The following IPO5 variants were observed in gnomAD, a reference collection of about 807,000 sequenced individuals.
IPO5 encodes importin-5.
In IPO5, 18 loss-of-function variants were observed where a neutral mutation model predicts 143.3. The ratio of observed to expected loss-of-function variants is 0.13; its 90% CI spans 0.09 to 0.19. IPO5 has a LOEUF of 0.19. Among genes scored for constraint, IPO5 ranks in the 10% least tolerant of loss-of-function variants. The pLI is 1.00. For synonymous variants in IPO5, 477 were observed against 465.7 expected (o/e 1.02, Z -0.31); for missense variants, 1,013 against 1,336.9 (o/e 0.76, Z 3.78).
chr13:97,974,700 CA>C, intron 3 of IPO5, among the ~76,000 whole-genome samples: 1 of 142,204 alleles, frequency 7.0e-6, no homozygotes, highest in South Asian at 2.3e-4. Context: ...AAAAAAAAAT[CA>C]AAATCAAACA....
At chr13:98,018,338 G>T (rs1355809260) in intron 25 of IPO5, 147 bp from the exon 26 acceptor site, 4 of 618,622 alleles carry the variant, frequency 6.5e-6, no homozygotes, top group South Asian at 6.4e-5. Context: ...AATATCGTTG[G>T]TCACAAGAAG....
At chr13:97,995,834 A>G (rs906962214) in intron 11 of IPO5, among the ~76,000 whole-genome samples, 4 of 152,298 alleles carry the variant, frequency 2.6e-5, no homozygotes, top group African/African-American at 9.6e-5. Flanking sequence ...ACTAGTTAAA[A>G]AAGTTAAGGG....
chr13:97,975,587 A>C (rs971562047), intron 3 of IPO5: 1 of 152,240 alleles, frequency 6.6e-6, no homozygotes, highest in South Asian at 2.1e-4. Context: ...CCAGGAGTTA[A>C]AGAACATCGC....
intron 7 of IPO5, 46 bp downstream of exon 7, chr13:97,989,210 G>A (rs750038474): frequency 2.0e-6 from 2 of 1,017,492 alleles, no homozygotes; most frequent in Non-Finnish European, 1.5e-6. Flanking sequence ...TTTAATGAAT[G>A]CCCTAAACAC....
At chr13:97,954,053 G>T (rs1884294442) in intron 1 of IPO5, 66 bp from the exon 2 acceptor site, 2 of 350,102 alleles carry the variant, frequency 5.7e-6, no homozygotes, top group African/African-American at 2.1e-5. Flanking sequence ...AAGAATGTGG[G>T]TTATTATCCT....
intron 7 of IPO5, 145 bp downstream of exon 7, chr13:97,989,309 A>G: frequency 4.0e-6 from 2 of 505,544 alleles, no homozygotes; most frequent in Non-Finnish European, 6.8e-6. Flanking sequence ...TTTGTATTGG[A>G]AGCAATTTTT....
intron 5 of IPO5, among the ~76,000 whole-genome samples, chr13:97,982,939 C>T (rs756496202): frequency 2.4e-4 from 36 of 152,338 alleles, no homozygotes; most frequent in Middle Eastern, 3.4e-3. Flanking sequence ...GGCACCATCT[C>T]GGCCCACTGC....
At chr13:98,008,433 G>T (rs1223224039) in intron 18 of IPO5, among the ~76,000 whole-genome samples, 1 of 152,100 alleles carries the variant, frequency 6.6e-6, no homozygotes, top group East Asian at 1.9e-4. Context: ...ATGGCTTCCG[G>T]TTTCCTCTGT....
At chr13:97,962,493 A>G (rs1249778058) in intron 2 of IPO5, among the ~76,000 whole-genome samples, 2 of 152,120 alleles carry the variant, frequency 1.3e-5, no homozygotes, top group African/African-American at 4.8e-5. Context: ...CTCCTATATT[A>G]GCCAGGGTCC....
At chr13:97,988,743 GC>G (rs1887580172) in intron 6 of IPO5, among the ~76,000 whole-genome samples, 1 of 152,126 alleles carries the variant, frequency 6.6e-6, no homozygotes, top group Admixed American at 6.5e-5. Flanking sequence ...AACCGAGATC[GC>G]GCCATTGCAC....
At chr13:97,953,895 A>G (rs777829062) in intron 1 of IPO5, 179 bp downstream of exon 1, 6 of 456,214 alleles carry the variant, frequency 1.3e-5, no homozygotes, top group South Asian at 9.3e-5. Flanking sequence ...CGTCAGAGAC[A>G]ATGATTTGGA....
Position 98,010,026 on chromosome 13 carries a change from A to G in IPO5, c.1933+13A>G. On this transcript the variant is annotated intron_variant, in intron 19 of 28. Coordinates refer to ENST00000651721, the MANE Select transcript of IPO5 (RefSeq NM_002271.6). ...GCCCTTTTAGATAGTAGGTGTCTTTAGAAGGAGCTATCGGTTATAATAGTT... is the reference window on the plus strand; with the variant it reads ...GCCCTTTTAGATAGTAGGTGTCTTTGGAAGGAGCTATCGGTTATAATAGTT... 6.2e-7 allele frequency: 1 copy of G among 1,613,914 alleles called. No individual in the cohort carries two copies. The highest frequency in any genetic ancestry group is 8.5e-7 in the Non-Finnish European group (1 of 1,179,944).
At chr13:97,977,732 C>A (rs547043080) in intron 4 of IPO5, among the ~76,000 whole-genome samples, 1 of 152,230 alleles carries the variant, frequency 6.6e-6, no homozygotes, top group South Asian at 2.1e-4. Context: ...GCGTTGAGAC[C>A]ACGATTCTTG....
intron 7 of IPO5, 63 bp from the exon 8 acceptor site, chr13:97,990,063 C>T: frequency 1.0e-6 from 1 of 975,582 alleles, no homozygotes; most frequent in Non-Finnish European, 1.6e-6. Flanking sequence ...GAGATTCTAG[C>T]TCATACTTTA....
At chr13:98,012,457 C>CT (rs1566560626) in intron 21 of IPO5, 115 bp downstream of exon 21, 11 of 706,220 alleles carry the variant, frequency 1.6e-5, no homozygotes, top group Non-Finnish European at 1.5e-5. Context: ...TGTATTTGCA[C>CT]TAAGTGTACT....
chr13:97,964,449 T>A (rs1164035595), intron 2 of IPO5, among the ~76,000 whole-genome samples: 1 of 139,708 alleles, frequency 7.2e-6, no homozygotes, highest in African/African-American at 2.8e-5. Context: ...CTTTCTTTTT[T>A]TTTTTTTTTT....
intron 2 of IPO5, among the ~76,000 whole-genome samples, chr13:97,956,064 G>A (rs776137933): frequency 4.6e-5 from 7 of 151,620 alleles, no homozygotes; most frequent in Non-Finnish European, 8.8e-5. Flanking sequence ...CCCGGGAGGT[G>A]GAGCTTGCAG....
chr13:97,961,829 AT>A (rs1396624160), intron 2 of IPO5, among the ~76,000 whole-genome samples: 3 of 152,040 alleles, frequency 2.0e-5, no homozygotes. Flanking sequence ...TAAGTCCCTT[AT>A]AAGACATATG....
At chr13:97,969,176 T>TATATATATATA (rs1491240999) in intron 2 of IPO5, among the ~76,000 whole-genome samples, 32 of 31,648 alleles carry the variant, frequency 1.0e-3, no homozygotes, top group Non-Finnish European at 1.7e-3. Context: ...TATATATATA[T>TATATATATATA]TTTTTTTTTT....
Sources: allele counts gnomAD v4.1 joint callset (sites outside exome capture counted in the v4.1 genomes callset), GRCh38; gene constraint gnomAD v4.1.1; transcripts MANE v1.5; gene names NCBI Gene and HGNC (gene_info 2026-07-23, HGNC 2026-07-21).